RAPGEF4: variants seen among roughly 807,000 people sequenced by gnomAD.
The protein encoded by RAPGEF4 is RAP guanine-nucleotide-exchange factor (GEF) 4.
Under a neutral mutation model 147.9 loss-of-function variants are expected in RAPGEF4, and 66 were observed. The observed-to-expected ratio is 0.45, with a 90% CI of 0.37 to 0.55. The LOEUF is 0.55. RAPGEF4 is among the 20% of genes least tolerant of loss of function. RAPGEF4 has a pLI of 0.00. For synonymous variants in RAPGEF4, 419 were observed against 442.7 expected, an observed-to-expected ratio of 0.95 and a Z score of 0.67; for missense variants, 1,071 against 1,257.3, an observed-to-expected ratio of 0.85 and a Z score of 2.24.
intron 6 of RAPGEF4, among the ~76,000 whole-genome samples, chr2:172,936,051 T>C (rs1450868172): frequency 6.6e-6 from 1 of 152,196 alleles, no homozygotes; most frequent in Non-Finnish European, 1.5e-5. Context: ...TGATCATAAA[T>C]ATAATACTTA....
At chr2:172,748,573 C>T (rs1328212621) in intron 1 of RAPGEF4, among the ~76,000 whole-genome samples, 1 of 152,180 alleles carries the variant, frequency 6.6e-6, no homozygotes, top group Non-Finnish European at 1.5e-5. Context: ...TCCCCTCCCA[C>T]AACACAAGGG....
intron 21 of RAPGEF4, 51 bp downstream of exon 21, chr2:173,017,555 G>A: frequency 1.3e-6 from 2 of 1,528,114 alleles, no homozygotes; most frequent in Non-Finnish European, 1.8e-6. Context: ...ATTTAGTCAG[G>A]ATAATGGTAA....
At chr2:172,794,318 G>C (rs1159563324) in intron 1 of RAPGEF4, among the ~76,000 whole-genome samples, 1 of 135,358 alleles carries the variant, frequency 7.4e-6, no homozygotes, top group Non-Finnish European at 1.5e-5. Context: ...TTGCACTCCA[G>C]CCTGGGCAAC....
intron 8 of RAPGEF4, among the ~76,000 whole-genome samples, chr2:172,963,529 TG>T (rs1427156203): frequency 1.3e-5 from 2 of 152,232 alleles, no homozygotes; most frequent in African/African-American, 4.8e-5. Context: ...TGATAGATAA[TG>T]GAAACTAGAA....
intron 6 of RAPGEF4, among the ~76,000 whole-genome samples, chr2:172,926,886 T>C (rs898122742): frequency 6.6e-6 from 1 of 152,184 alleles, no homozygotes; most frequent in Non-Finnish European, 1.5e-5. Context: ...CCTCATTTTT[T>C]AGGCAGTTAT....
chr2:172,925,093 C>T (rs1311040880), intron 6 of RAPGEF4, among the ~76,000 whole-genome samples: 1 of 152,224 alleles, frequency 6.6e-6, no homozygotes, highest in Non-Finnish European at 1.5e-5. Context: ...CATTCTCCTG[C>T]CTCAGCCTCC....
chr2:172,920,220 ATAT>A (rs1237656386), intron 5 of RAPGEF4, among the ~76,000 whole-genome samples: 2 of 152,092 alleles, frequency 1.3e-5, no homozygotes, highest in African/African-American at 2.4e-5. Context: ...ATGCATTTTA[ATAT>A]TATTTTTGAC....
chr2:172,992,035 C>G (rs1159043126), intron 15 of RAPGEF4, among the ~76,000 whole-genome samples: 1 of 152,190 alleles, frequency 6.6e-6, no homozygotes, highest in Non-Finnish European at 1.5e-5. Flanking sequence ...AATGGCAGAG[C>G]TTGGATTCAA....
chr2:172,984,378 C>T (rs751885750), intron 11 of RAPGEF4, among the ~76,000 whole-genome samples: 1 of 152,108 alleles, frequency 6.6e-6, no homozygotes, highest in Non-Finnish European at 1.5e-5. Flanking sequence ...CCTGCCAGTC[C>T]CTGCTGTTGG....
At chr2:172,739,781 A>G (rs1694145515) in intron 1 of RAPGEF4, among the ~76,000 whole-genome samples, 1 of 152,224 alleles carries the variant, frequency 6.6e-6, no homozygotes, top group Non-Finnish European at 1.5e-5. Flanking sequence ...AAGGAGTATT[A>G]TGAAGGGACA....
At chr2:172,986,698 CTT>C (rs72252062) in intron 12 of RAPGEF4, among the ~76,000 whole-genome samples, 2 of 100,344 alleles carry the variant, frequency 2.0e-5, no homozygotes, top group Non-Finnish European at 2.3e-5. Context: ...TTCATATTTT[CTT>C]TTTTTTTTTT....
chr2:172,790,912 G>C (rs1368492044), intron 1 of RAPGEF4, among the ~76,000 whole-genome samples: 1 of 152,124 alleles, frequency 6.6e-6, no homozygotes, highest in Non-Finnish European at 1.5e-5. Flanking sequence ...CTGGAGACTG[G>C]GTAATTCAAA....
At chr2:173,022,412 T>C (rs1007790702) in intron 23 of RAPGEF4, among the ~76,000 whole-genome samples, 13 of 152,352 alleles carry the variant, frequency 8.5e-5, no homozygotes, top group Non-Finnish European at 1.6e-4. Context: ...ATCAGCGCTC[T>C]GCCATTCATT....
At chr2:173,017,553 A>G (rs943283487) in intron 21 of RAPGEF4, 49 bp downstream of exon 21, 14 of 1,530,142 alleles carry the variant, frequency 9.1e-6, no homozygotes, top group South Asian at 1.1e-5. Flanking sequence ...TTATTTAGTC[A>G]GGATAATGGT....
intron 6 of RAPGEF4, among the ~76,000 whole-genome samples, chr2:172,948,805 G>A (rs1316589513): frequency 1.3e-5 from 2 of 152,034 alleles, no homozygotes; most frequent in Non-Finnish European, 2.9e-5. Context: ...CCTATTGTAG[G>A]GTAGAGGGTA....
intron 4 of RAPGEF4, among the ~76,000 whole-genome samples, chr2:172,901,583 T>G (rs1699061416): frequency 6.6e-6 from 1 of 152,248 alleles, no homozygotes; most frequent in East Asian, 1.9e-4. Context: ...GAAACAATGA[T>G]GAAGTAGAGG....
chr2:172,760,456 C>T (rs977656211), intron 1 of RAPGEF4, among the ~76,000 whole-genome samples: 31 of 152,270 alleles, frequency 2.0e-4, no homozygotes, highest in African/African-American at 5.3e-4. Flanking sequence ...TGGTGGCTCA[C>T]GCCTGTAATC....
chr2:173,040,993 C>T (rs1006395061), intron 29 of RAPGEF4, among the ~76,000 whole-genome samples: 5 of 152,092 alleles, frequency 3.3e-5, no homozygotes, highest in African/African-American at 1.2e-4. Context: ...GGTTCTATTT[C>T]AGACATACCC....
intron 6 of RAPGEF4, among the ~76,000 whole-genome samples, chr2:172,957,804 C>A (rs1688894331): frequency 6.6e-6 from 1 of 152,168 alleles, no homozygotes; most frequent in Non-Finnish European, 1.5e-5. Flanking sequence ...GGATTACTAG[C>A]TAAAAGACAA....
Sources: gnomAD v4.1 joint callset for allele counts (sites outside exome capture counted in the v4.1 genomes callset) on GRCh38, gnomAD v4.1.1 for gene constraint, MANE v1.5 for transcripts, NCBI Gene and HGNC (gene_info 2026-07-23, HGNC 2026-07-21) for gene names.